EYA1: variants seen among roughly 807,000 people sequenced by gnomAD.
EYA1 encodes the protein EYA transcriptional coactivator and phosphatase 1.
Under a neutral mutation model 82.0 loss-of-function variants are expected in EYA1, and 16 were observed. The observed-to-expected ratio is 0.20, with a 90% CI of 0.13 to 0.30. EYA1 has a LOEUF of 0.30. Among genes scored for constraint, EYA1 ranks in the 10% least tolerant of loss-of-function variants. The pLI is 1.00. For missense variants in EYA1, 633 were observed against 730.7 expected (o/e 0.87, Z 1.54); for synonymous variants, 261 against 264.4 (o/e 0.99, Z 0.12).
At chr8:71,297,422 T>C (rs1179146904) in intron 9 of EYA1, among the ~76,000 whole-genome samples, 1 of 151,956 alleles carries the variant, frequency 6.6e-6, no homozygotes, top group African/African-American at 2.4e-5. Context: ...TCTTCAACAG[T>C]TTATTTACAA....
chr8:71,286,557 G>T (rs766789548), intron 9 of EYA1, among the ~76,000 whole-genome samples: 1 of 152,174 alleles, frequency 6.6e-6, no homozygotes, highest in Non-Finnish European at 1.5e-5. Context: ...GCTTGGTTGA[G>T]TGGGGGGAAA....
intron 1 of EYA1, among the ~76,000 whole-genome samples, chr8:71,545,601 G>A (rs535668104): frequency 6.1e-4 from 74 of 121,526 alleles, no homozygotes; most frequent in African/African-American, 2.2e-3. Flanking sequence ...TCGCTCTGTC[G>A]CCCAGGCTGG....
chr8:71,334,097 C>A lies in EYA1; in HGVS notation c.202G>T (p.Ala68Ser), dbSNP rs1169615269. 6.2e-7 allele frequency: 1 copy of A among 1,610,498 alleles called. No individual in the cohort carries two copies. Among genetic ancestry groups the A allele is most frequent in the Admixed American group, 1.7e-5 (1 of 59,954 alleles). ...TGAAAATCTAATATTTATTCCTTACCTGAACCTGAGAAATTGTTTAAAGAC... is the reference window on the plus strand; with the variant it reads ...TGAAAATCTAATATTTATTCCTTACATGAACCTGAGAAATTGTTTAAAGAC... ...DGSLNNFSGS[A>S]IGSSSFSPRP... Residue 68 changes from alanine (A) to serine (S), a missense_variant and splice_region_variant, in exon 4 of 18, where the codon GCA (alanine) becomes TCA (serine). Coordinates refer to ENST00000340726, the MANE Select transcript of EYA1 (RefSeq NM_000503.6).
At chr8:71,340,838 C>A (rs760582796) in intron 3 of EYA1, among the ~76,000 whole-genome samples, 2 of 151,906 alleles carry the variant, frequency 1.3e-5, no homozygotes, top group Non-Finnish European at 2.9e-5. Flanking sequence ...GTTTGGCTTG[C>A]GTTGAAATTC....
At chr8:71,402,948 GAATT>G (rs1176699937) in intron 2 of EYA1, among the ~76,000 whole-genome samples, 2 of 152,114 alleles carry the variant, frequency 1.3e-5, no homozygotes, top group African/African-American at 4.8e-5. Context: ...AATTCCAGAT[GAATT>G]AACTTCAAGC....
At position 71,353,483 on chromosome 8, in the gene EYA1, A is replaced by T. The variant is rs144339773; in HGVS notation, c.124+1299T>A. On this transcript the variant is annotated intron_variant, in intron 3 of 17. Transcript: ENST00000340726. ...CATTCAGAGATTAATTTTCTGCTACATCCGCAAAATTTCAATTTTTGATAG... is the reference window on the plus strand; with the variant it reads ...CATTCAGAGATTAATTTTCTGCTACTTCCGCAAAATTTCAATTTTTGATAG... 3.9e-5 allele frequency among the ~76,000 whole-genome samples: 6 copies of T among 152,348 alleles called. No homozygotes were observed. In the East Asian group the frequency reaches 1.2e-3, roughly 29 times the overall value.
At chr8:71,507,671 C>T (rs1428960314) in intron 2 of EYA1, among the ~76,000 whole-genome samples, 1 of 152,118 alleles carries the variant, frequency 6.6e-6, no homozygotes, top group African/African-American at 2.4e-5. Flanking sequence ...TACTACACAA[C>T]CATAAAAAGA....
intron 2 of EYA1, among the ~76,000 whole-genome samples, chr8:71,384,811 A>G (rs924055783): frequency 6.6e-6 from 1 of 152,154 alleles, no homozygotes; most frequent in African/African-American, 2.4e-5. Context: ...TGTAGATGAA[A>G]TGCATCTTAC....
At chr8:71,322,133 T>C (rs1822631109) in intron 5 of EYA1, 66 bp downstream of exon 5, 1 of 1,348,058 alleles carries the variant, frequency 7.4e-7, no homozygotes, top group Non-Finnish European at 1.1e-6. Flanking sequence ...GGCACAGACA[T>C]GACTTTAAAT....
chr8:71,495,867 A>G (rs374702664), intron 2 of EYA1, among the ~76,000 whole-genome samples: 22 of 152,254 alleles, frequency 1.4e-4, no homozygotes, highest in African/African-American at 5.3e-4. Context: ...CCCACCATGA[A>G]AGGGAATGCC....
In EYA1 at chr8:71,258,596, T is replaced by G. The variant is rs988506656; in HGVS notation, c.1050+11144A>C. Among the ~76,000 whole-genome samples, 3 of 152,170 alleles carry G rather than the reference T, an allele frequency of 2.0e-5. No homozygotes were observed. The East Asian group carries it at 5.8e-4, about 29-fold the overall frequency. On this transcript the variant is annotated intron_variant, in intron 11 of 17. Coordinates refer to ENST00000340726, the MANE Select transcript of EYA1 (RefSeq NM_000503.6). Reference sequence around the variant, plus strand: ...TACCCACTACAGAAACCACCAGGAATTTTTCTAGGTCCCCAGGAAGGAGCG... The same window carrying G: ...TACCCACTACAGAAACCACCAGGAAGTTTTCTAGGTCCCCAGGAAGGAGCG...
Position 71,411,581 on chromosome 8 carries a change from G to T in EYA1, c.34-55070C>A, listed in dbSNP as rs1404333491. 3.3e-5 allele frequency among the ~76,000 whole-genome samples: 5 copies of T among 151,420 alleles called. 1 individual carries two copies. The East Asian group carries it at 7.7e-4, about 23-fold the overall frequency. On this transcript the variant is annotated intron_variant, in intron 2 of 18. Transcript: ENST00000643681. ...AAAAAGTGGGCGAAGGACATGAACA[G>T]ACACTTCTCAAAAGAAGACATTTAT... is the stretch of plus-strand genomic sequence containing the variant.
intron 2 of EYA1, among the ~76,000 whole-genome samples, chr8:71,381,443 G>A (rs543686964): frequency 3.9e-5 from 6 of 152,138 alleles, no homozygotes; most frequent in Non-Finnish European, 5.9e-5. Flanking sequence ...GAGATGAAAC[G>A]CCGGTGGAAG....
At chr8:71,460,225 T>C (rs935998419) in intron 2 of EYA1, among the ~76,000 whole-genome samples, 2 of 152,196 alleles carry the variant, frequency 1.3e-5, no homozygotes, top group African/African-American at 4.8e-5. Flanking sequence ...AATCACCAAA[T>C]GTGATTCTCA....
chr8:71,275,783 G>C (rs1817096844), intron 9 of EYA1, among the ~76,000 whole-genome samples: 1 of 152,056 alleles, frequency 6.6e-6, no homozygotes, highest in Admixed American at 6.6e-5. Context: ...GAAACAACAG[G>C]GGGTAAAACT....
chr8:71,292,162 T>A (rs1819072504), intron 9 of EYA1, among the ~76,000 whole-genome samples: 2 of 152,158 alleles, frequency 1.3e-5, no homozygotes, highest in African/African-American at 4.8e-5. Context: ...TTTGAAAGAA[T>A]ATATTTAGTT....
chr8:71,289,890 T>G (rs1050977889), intron 9 of EYA1, among the ~76,000 whole-genome samples: 33 of 152,214 alleles, frequency 2.2e-4, no homozygotes. Context: ...ACAGCATGTA[T>G]AGTACTCTAT....
At chr8:71,359,270 A>C (rs969262375) in intron 1 of EYA1, among the ~76,000 whole-genome samples, 3 of 152,142 alleles carry the variant, frequency 2.0e-5, no homozygotes, top group African/African-American at 7.2e-5. Flanking sequence ...TCACAGATGT[A>C]ACTTTTGTTG....
At chr8:71,501,615 G>A (rs976687043) in intron 2 of EYA1, among the ~76,000 whole-genome samples, 1 of 152,174 alleles carries the variant, frequency 6.6e-6, no homozygotes, top group African/African-American at 2.4e-5. Context: ...GCTCATGCAT[G>A]CTGGATGCTA....
Sources: allele counts gnomAD v4.1 joint callset (sites outside exome capture counted in the v4.1 genomes callset), GRCh38; gene constraint gnomAD v4.1.1; transcripts MANE v1.5; gene names NCBI Gene and HGNC (gene_info 2026-07-23, HGNC 2026-07-21).